ZNF765: variants seen among roughly 807,000 people sequenced by gnomAD.
ZNF765 encodes zinc finger protein 765.
In ZNF765, 37 loss-of-function variants were observed where a neutral mutation model predicts 44.7. The ratio of observed to expected loss-of-function variants is 0.83; its 90% CI spans 0.64 to 1.09. The LOEUF (loss-of-function observed/expected upper bound fraction) is 1.09. Ranked by LOEUF, ZNF765 falls within the 50% of genes least tolerant of loss-of-function variation. ZNF765 has a pLI of 0.00. For synonymous variants in ZNF765, 201 were observed against 213.7 expected (o/e 0.94, Z 0.52); for missense variants, 594 against 626.1 (o/e 0.95, Z 0.55).
intron 3 of ZNF765, among the ~76,000 whole-genome samples, chr19:53,402,392 G>A (rs1039173676): frequency 6.6e-6 from 1 of 151,636 alleles, no homozygotes; most frequent in African/African-American, 2.4e-5. Context: ...AAGTAGCTGG[G>A]ACTACAGGCA....
At chr19:53,402,349 C>G (rs1424421426) in intron 3 of ZNF765, among the ~76,000 whole-genome samples, 158 bp downstream of exon 3, 1 of 145,716 alleles carries the variant, frequency 6.9e-6, no homozygotes, top group South Asian at 2.2e-4. Context: ...CTCCGCCTCC[C>G]GGGTTCACGC....
chr19:53,421,476 T>A (rs1205017996), intron 3 of ZNF765, among the ~76,000 whole-genome samples: 1 of 152,190 alleles, frequency 6.6e-6, no homozygotes, highest in African/African-American at 2.4e-5. Context: ...GTAGAGGGGC[T>A]GGCCCCCTTC....
rs374761358 is a variant in ZNF765 at position 53,408,929 on chromosome 19, A to T, written c.1374A>T (p.Lys458Asn). ...SFKSNLEIHQ[K>N]IHTEENPYKC... is the part of the protein sequence containing the mutation. ...AATCAAACCTTGAAATACATCAGAAAATTCATACTGAAGAGAATCCTTACA... is the reference window on the plus strand; with the variant it reads ...AATCAAACCTTGAAATACATCAGAATATTCATACTGAAGAGAATCCTTACA... The change falls in exon 4 of 4, where the codon AAA (lysine) becomes AAT (asparagine). Residue 458 changes from lysine (K) to asparagine (N), a missense_variant. Lys to Asn is a moderately conservative substitution (Grantham distance 94). Transcript: ENST00000396408. 2.5e-6 allele frequency: 4 copies of T among 1,613,348 alleles called. No individual in the cohort carries two copies. The highest frequency in any genetic ancestry group is 1.7e-5 in the Admixed American group (1 of 59,946).
At chr19:53,405,937 ATATATATATATAT>A (rs1568779014) in intron 3 of ZNF765, among the ~76,000 whole-genome samples, 1,065 of 94,460 alleles carry the variant, frequency 0.011, 14 homozygotes, top group Non-Finnish European at 0.017. Flanking sequence ...ATATATATAT[ATATATATATATAT>A]AAAATTGCTG....
chr19:53,395,217 T>A (rs2085654859), intron 1 of ZNF765, 24 bp downstream of exon 1: 1 of 152,316 alleles, frequency 6.6e-6, no homozygotes, highest in Non-Finnish European at 1.5e-5. Context: ...TGTTTTGTAT[T>A]AAGTCTGTGC....
intron 3 of ZNF765, among the ~76,000 whole-genome samples, chr19:53,417,632 G>A (rs1159144782): frequency 6.6e-6 from 1 of 152,050 alleles, no homozygotes; most frequent in Non-Finnish European, 1.5e-5. Context: ...TATTCCTTTA[G>A]GCATATATCC....
intron 1 of ZNF765, among the ~76,000 whole-genome samples, chr19:53,395,817 T>C (rs1428800345): frequency 6.6e-6 from 1 of 152,116 alleles, no homozygotes; most frequent in Non-Finnish European, 1.5e-5. Flanking sequence ...ATGCAGGCGT[T>C]TTGCTCCAAA....
intron 3 of ZNF765, among the ~76,000 whole-genome samples, chr19:53,419,118 A>C (rs2085892702): frequency 6.6e-6 from 1 of 152,126 alleles, no homozygotes; most frequent in Non-Finnish European, 1.5e-5. Flanking sequence ...ATCCTTCAAT[A>C]ATAATGATTT....
chr19:53,424,209 G>A (rs1221121303), exon 4 of ZNF765: 1 of 151,628 alleles, frequency 6.6e-6, no homozygotes, highest in Non-Finnish European at 1.5e-5. Flanking sequence ...CAGCACTTTG[G>A]AGGGCCGAAG....
intron 3 of ZNF765, among the ~76,000 whole-genome samples, chr19:53,418,004 G>A (rs1165802178): frequency 3.3e-5 from 5 of 152,150 alleles, no homozygotes; most frequent in Admixed American, 2.6e-4. Flanking sequence ...TCAAGGAGAA[G>A]AAAGAATCTC....
At position 53,408,424 on chromosome 19, in the gene ZNF765, G is replaced by A. The variant is rs371510706; in HGVS notation, c.869G>A (p.Arg290His). Reference protein sequence around the residue: ...FSQTYYLTCHRRLHTGEKPYK... With the variant: ...FSQTYYLTCHHRLHTGEKPYK... ...CAGACATATTACCTAACATGCCATCGTAGACTTCATACTGGAGAGAAACCT... is the reference window on the plus strand; with the variant it reads ...CAGACATATTACCTAACATGCCATCATAGACTTCATACTGGAGAGAAACCT... Residue 290 changes from arginine (R) to histidine (H), a missense_variant, in exon 4 of 4, where the codon CGT becomes CAT. Transcript: ENST00000396408. 2.5e-5 allele frequency: 41 copies of A among 1,613,656 alleles called. No individual in the cohort carries two copies. Among genetic ancestry groups the A allele is most frequent in the African/African-American group, 1.1e-4 (8 of 74,798 alleles).
At chr19:53,420,932 C>T (rs537234074) in intron 3 of ZNF765, among the ~76,000 whole-genome samples, 2 of 152,084 alleles carry the variant, frequency 1.3e-5, no homozygotes, top group Non-Finnish European at 2.9e-5. Context: ...ACCCCTACCC[C>T]GACACCCATA....
rs150268056 is a variant in ZNF765, at chr19:53,396,299, G to T, written c.-74+1106G>T. 5.8e-3 allele frequency among the ~76,000 whole-genome samples: 886 copies of T among 152,262 alleles called. 2 individuals carry two copies. The highest frequency in any genetic ancestry group is 0.02 in the African/African-American group (826 of 41,546). On this transcript the variant is annotated intron_variant, in intron 1 of 3. Coordinates refer to ENST00000396408, the MANE Select transcript of ZNF765 (RefSeq NM_001040185.3). ...TAACAGGGAGAGCAGAGGAGGCGCA[G>T]AGATGGTGTTGCGGGAAACTAAGTA...
At chr19:53,420,245 A>T (rs1041868646) in intron 3 of ZNF765, among the ~76,000 whole-genome samples, 1 of 150,602 alleles carries the variant, frequency 6.6e-6, no homozygotes, top group Non-Finnish European at 1.5e-5. Flanking sequence ...GGCAGGAGAA[A>T]TGCTTAAACC....
At chr19:53,401,808 G>T in intron 2 of ZNF765, 2 of 851,706 alleles carry the variant, frequency 2.3e-6, no homozygotes, top group East Asian at 2.9e-5. Flanking sequence ...CCTGGGACTT[G>T]GAGGTTGCAT....
At chr19:53,415,605 A>G (rs1175944907), downstream of ZNF765, among the ~76,000 whole-genome samples, 1 of 152,194 alleles carries the variant, frequency 6.6e-6, no homozygotes, top group Non-Finnish European at 1.5e-5. Context: ...TATAGCCAGC[A>G]GTTTACTACA....
intron 3 of ZNF765, among the ~76,000 whole-genome samples, chr19:53,417,915 A>G (rs2085884621): frequency 6.6e-6 from 1 of 152,154 alleles, no homozygotes; most frequent in Non-Finnish European, 1.5e-5. Context: ...AGACATACGT[A>G]GTGTGCGTTC....
chr19:53,400,263 T>G (rs551848552), intron 2 of ZNF765, among the ~76,000 whole-genome samples: 175 of 152,352 alleles, frequency 1.1e-3, no homozygotes, highest in African/African-American at 3.9e-3. Context: ...CTCATGTTAG[T>G]AAACGTGGAT....
intron 3 of ZNF765, 114 bp downstream of exon 3, chr19:53,402,305 G>A (rs2085735625): frequency 2.7e-6 from 4 of 1,487,230 alleles, no homozygotes; most frequent in Non-Finnish European, 3.6e-6. Flanking sequence ...CGCCCAGGCT[G>A]GAGTGCTGTG....
Sources: allele counts gnomAD v4.1 joint callset (sites outside exome capture counted in the v4.1 genomes callset), GRCh38; gene constraint gnomAD v4.1.1; transcripts MANE v1.5; gene names NCBI Gene and HGNC (gene_info 2026-07-23, HGNC 2026-07-21).